SLC36A1: variants seen among roughly 807,000 people sequenced by gnomAD.
The protein encoded by SLC36A1 is proton-coupled amino acid transporter 1.
In SLC36A1, 30 loss-of-function variants were observed where a neutral mutation model predicts 47.5. The observed-to-expected ratio is 0.63, with a 90% CI of 0.47 to 0.86. SLC36A1 has a LOEUF of 0.86. Ranked by LOEUF, SLC36A1 falls within the 40% of genes least tolerant of loss-of-function variation. SLC36A1 has a pLI of 0.00. For synonymous variants in SLC36A1, 255 were observed against 249.7 expected (o/e 1.02, Z -0.20); for missense variants, 517 against 606.0 (o/e 0.85, Z 1.54).
At chr5:151,526,027 C>A in the SLC36A1 span, 1 of 1,515,686 alleles carries the variant, frequency 6.6e-7, no homozygotes, top group Non-Finnish European at 9.0e-7. Flanking sequence ...TCCTTTCGCA[C>A]GTGTCTGGGT....
chr5:151,508,331 T>A, the SLC36A1 span, among the ~76,000 whole-genome samples: 1 of 152,232 alleles, frequency 6.6e-6, no homozygotes, highest in East Asian at 1.9e-4. Context: ...CACTTTCAGC[T>A]GTGAAATGTC....
At chr5:151,410,276 T>G in the SLC36A1 span, among the ~76,000 whole-genome samples, 1 of 145,396 alleles carries the variant, frequency 6.9e-6, no homozygotes, top group Non-Finnish European at 1.5e-5. Flanking sequence ...AATTCATTCA[T>G]TCATTGAAAG....
chr5:151,367,306 G>A, the SLC36A1 span, among the ~76,000 whole-genome samples: 5 of 149,724 alleles, frequency 3.3e-5, no homozygotes, highest in African/African-American at 9.8e-5. Flanking sequence ...TTATCTCAAC[G>A]GCACAAGACA....
intron 1 of SLC36A1, among the ~76,000 whole-genome samples, chr5:151,453,538 C>CAAA (rs1427803510): frequency 6.6e-6 from 1 of 151,886 alleles, no homozygotes. Context: ...TGATCTTAAT[C>CAAA]CTCCTTTATT....
At chr5:151,484,329 G>T (rs1759229286) in intron 10 of SLC36A1, among the ~76,000 whole-genome samples, 1 of 152,176 alleles carries the variant, frequency 6.6e-6, no homozygotes, top group South Asian at 2.1e-4. Context: ...TGCTTGTGTG[G>T]CTGGGACTGA....
the SLC36A1 span, among the ~76,000 whole-genome samples, chr5:151,534,152 C>T: frequency 7.2e-5 from 11 of 152,242 alleles, no homozygotes; most frequent in South Asian, 2.1e-3. Context: ...ATTGAAAAGT[C>T]CCCAGGTCTA....
At chr5:151,492,992 A>G (rs934282183), downstream of SLC36A1, among the ~76,000 whole-genome samples, 15 of 152,160 alleles carry the variant, frequency 9.9e-5, no homozygotes, top group African/African-American at 2.2e-4. Flanking sequence ...CAGTCTCTCT[A>G]TGTGTATCTG....
At chr5:151,533,241 A>G in the SLC36A1 span, among the ~76,000 whole-genome samples, 1 of 152,130 alleles carries the variant, frequency 6.6e-6, no homozygotes, top group Non-Finnish European at 1.5e-5. Flanking sequence ...AGCAGTGGCT[A>G]ATGGAGCACT....
the SLC36A1 span, among the ~76,000 whole-genome samples, chr5:151,499,485 G>A: frequency 8.5e-5 from 13 of 152,180 alleles, no homozygotes; most frequent in Admixed American, 7.2e-4. Context: ...TCTACCTGCT[G>A]GGTCTTTTTT....
At chr5:151,469,139 C>T in intron 7 of SLC36A1, 3 of 599,522 alleles carry the variant, frequency 5.0e-6, no homozygotes, top group South Asian at 4.0e-5. Context: ...TTCATCAGTA[C>T]ATATTCATTA....
At chr5:151,553,705 T>C in the SLC36A1 span, among the ~76,000 whole-genome samples, 1 of 152,240 alleles carries the variant, frequency 6.6e-6, no homozygotes, top group Admixed American at 6.5e-5. Context: ...TGCCCTTTGC[T>C]TTTCCCAACT....
intron 2 of SLC36A1, chr5:151,459,809 A>G (rs942577072): frequency 7.4e-6 from 1 of 134,480 alleles, no homozygotes; most frequent in Admixed American, 7.2e-5. Context: ...CAAGCGGACC[A>G]TGGAAGCTTC....
intron 7 of SLC36A1, among the ~76,000 whole-genome samples, chr5:151,468,264 A>ATATAT (rs1335556137): frequency 1.3e-5 from 1 of 78,702 alleles, no homozygotes; most frequent in African/African-American, 8.1e-5. Context: ...AAAAAAAAAA[A>ATATAT]AAATATATAT....
intron 6 of SLC36A1, among the ~76,000 whole-genome samples, 190 bp downstream of exon 6, chr5:151,467,473 C>A (rs1440426375): frequency 6.6e-6 from 1 of 152,058 alleles, no homozygotes; most frequent in Non-Finnish European, 1.5e-5. Flanking sequence ...ATAGAGAAAC[C>A]GCCACATGTC....
At chr5:151,552,618 G>A in the SLC36A1 span, among the ~76,000 whole-genome samples, 2 of 152,314 alleles carry the variant, frequency 1.3e-5, no homozygotes, top group East Asian at 1.9e-4. Context: ...CTAAGCGTTC[G>A]TCAGATTCCT....
At chr5:151,503,921 C>T in the SLC36A1 span, among the ~76,000 whole-genome samples, 1 of 152,048 alleles carries the variant, frequency 6.6e-6, no homozygotes, top group Non-Finnish European at 1.5e-5. Context: ...GGCCCCACCC[C>T]CAGAAGTTCT....
the SLC36A1 span, chr5:151,553,407 A>C: frequency 6.2e-7 from 1 of 1,611,436 alleles, no homozygotes; most frequent in South Asian, 1.1e-5. Context: ...GGCCAACACC[A>C]AAACTGAGGT....
At chr5:151,551,869 A>G in the SLC36A1 span, among the ~76,000 whole-genome samples, 1 of 152,200 alleles carries the variant, frequency 6.6e-6, no homozygotes, top group African/African-American at 2.4e-5. Flanking sequence ...GTAACAACAT[A>G]TTTTTAAATG....
the SLC36A1 span, among the ~76,000 whole-genome samples, chr5:151,365,348 C>T: frequency 6.6e-6 from 1 of 152,176 alleles, no homozygotes; most frequent in Non-Finnish European, 1.5e-5. Context: ...GCATCTTCAC[C>T]TGGTTAAGGT....
Sources: gnomAD v4.1 joint callset for allele counts (sites outside exome capture counted in the v4.1 genomes callset) on GRCh38, gnomAD v4.1.1 for gene constraint, MANE v1.5 for transcripts, NCBI Gene and HGNC (gene_info 2026-07-23, HGNC 2026-07-21) for gene names.